The following ATF2 variants were observed in gnomAD, a reference collection of about 807,000 sequenced individuals.
ATF2 encodes the protein activating transcription factor 2.
Under a neutral mutation model 60.6 loss-of-function variants are expected in ATF2, and 24 were observed. The ratio of observed to expected loss-of-function variants is 0.40; its 90% CI spans 0.29 to 0.56. ATF2 has a LOEUF of 0.56. ATF2 is among the 20% of genes least tolerant of loss of function. ATF2 has a pLI of 0.54. For missense variants in ATF2, 433 were observed against 607.7 expected, an observed-to-expected ratio of 0.71 and a Z score of 3.02; for synonymous variants, 206 against 215.4, an observed-to-expected ratio of 0.96 and a Z score of 0.38.
intron 4 of ATF2, among the ~76,000 whole-genome samples, chr2:175,129,110 A>G (rs1697553217): frequency 6.6e-6 from 1 of 152,212 alleles, no homozygotes; most frequent in African/African-American, 2.4e-5. Flanking sequence ...CCATCAGATG[A>G]ACAGATAAAT....
At chr2:175,094,890 C>T (rs2541063) in intron 11 of ATF2, among the ~76,000 whole-genome samples, 1 of 151,980 alleles carries the variant, frequency 6.6e-6, no homozygotes, top group Non-Finnish European at 1.5e-5. Flanking sequence ...CTGCAGTGAG[C>T]CATGATCGCA....
At chr2:175,115,272 G>A (rs1208842443) in intron 7 of ATF2, among the ~76,000 whole-genome samples, 1 of 152,048 alleles carries the variant, frequency 6.6e-6, no homozygotes, top group Non-Finnish European at 1.5e-5. Flanking sequence ...AGAGGAAACA[G>A]GTCCAGTGAG....
At chr2:175,091,350 G>A (rs1029893893) in intron 12 of ATF2, among the ~76,000 whole-genome samples, 1 of 152,106 alleles carries the variant, frequency 6.6e-6, no homozygotes, top group East Asian at 1.9e-4. Context: ...AGGTCATTCA[G>A]AAGATTTTGT....
At chr2:175,136,999 C>T (rs192853018) in intron 2 of ATF2, among the ~76,000 whole-genome samples, 1 of 152,248 alleles carries the variant, frequency 6.6e-6, no homozygotes, top group East Asian at 1.9e-4. Context: ...AGATTGATGA[C>T]CCATTTTTAA....
rs556280283 is a variant in ATF2, at chr2:175,076,693, T to C, written c.1292-1858A>G. 1.0e-3 allele frequency among the ~76,000 whole-genome samples: 159 copies of C among 151,938 alleles called. 3 individuals carry two copies. Among genetic ancestry groups the C allele is most frequent in the Admixed American group, 9.8e-4 (15 of 15,238 alleles). On this transcript the variant is annotated intron_variant, in intron 13 of 13. Transcript: ENST00000264110. ...GAAAACAAAATACTGGCAATGACAG[T>C]TTAACTGGAGGGAATACTAAAAAGC...
rs571251922 is a variant in ATF2, at chr2:175,120,796, A to T, written c.199+648T>A. Among the ~76,000 whole-genome samples the T allele has an allele frequency of 3.3e-5, 5 of 151,748 alleles. No individual in the cohort carries two copies. The South Asian group carries it at 1.0e-3, about 31-fold the overall frequency. On this transcript the variant is annotated intron_variant, in intron 5 of 13. Transcript: ENST00000264110. Reference sequence around the variant, plus strand: ...TATATACATAGATGTGTGTGTGTATATATTTAAATACCAAAAAAAGGCAGC... The same window carrying T: ...TATATACATAGATGTGTGTGTGTATTTATTTAAATACCAAAAAAAGGCAGC...
intron 12 of ATF2, among the ~76,000 whole-genome samples, chr2:175,082,420 T>C (rs568491886): frequency 2.0e-5 from 3 of 152,320 alleles, no homozygotes; most frequent in East Asian, 1.9e-4. Context: ...CTGCTAATTA[T>C]AGTTCAGTAT....
At chr2:175,159,663 A>C (rs1207213498) in intron 1 of ATF2, among the ~76,000 whole-genome samples, 1 of 152,234 alleles carries the variant, frequency 6.6e-6, no homozygotes, top group Non-Finnish European at 1.5e-5. Flanking sequence ...TATTCAATTA[A>C]AATATCAGTA....
chr2:175,129,310 G>C (rs996907635), intron 4 of ATF2, among the ~76,000 whole-genome samples: 1 of 152,176 alleles, frequency 6.6e-6, no homozygotes, highest in East Asian at 1.9e-4. Context: ...AGGTAGGTGG[G>C]ATAAGAGGAA....
At chr2:175,131,818 GA>G (rs1234159737) in intron 3 of ATF2, among the ~76,000 whole-genome samples, 1 of 152,058 alleles carries the variant, frequency 6.6e-6, no homozygotes, top group Admixed American at 6.6e-5. Flanking sequence ...GGCTCCCAAA[GA>G]ACGTTTTTGT....
intron 10 of ATF2, among the ~76,000 whole-genome samples, chr2:175,103,170 T>A (rs1695418705): frequency 6.6e-6 from 1 of 152,012 alleles, no homozygotes; most frequent in African/African-American, 2.4e-5. Context: ...AGAAAAAAGA[T>A]AATGTTCTCT....
At chr2:175,113,905 A>G in intron 9 of ATF2, 89 bp downstream of exon 9, 5 of 1,107,796 alleles carry the variant, frequency 4.5e-6, no homozygotes, top group Non-Finnish European at 6.7e-6. Context: ...GTTAAATTCA[A>G]TTTCATAAGC....
At chr2:175,141,635 G>A (rs1269250691) in intron 2 of ATF2, among the ~76,000 whole-genome samples, 2 of 151,942 alleles carry the variant, frequency 1.3e-5, no homozygotes, top group South Asian at 4.2e-4. Flanking sequence ...TGGGACTACA[G>A]GAGCCCGCCA....
At chr2:175,101,304 T>C (rs985669916) in intron 10 of ATF2, among the ~76,000 whole-genome samples, 1 of 151,828 alleles carries the variant, frequency 6.6e-6, no homozygotes, top group Non-Finnish European at 1.5e-5. Flanking sequence ...AAGACCTGAG[T>C]TGGAAAAGTG....
chr2:175,117,998 C>A lies in ATF2; in HGVS notation c.439G>T (p.Asp147Tyr). 2 of 1,599,408 alleles carry A rather than the reference C, an allele frequency of 1.3e-6. No homozygotes were observed. The highest frequency in any genetic ancestry group is 1.7e-6 in the Non-Finnish European group (2 of 1,175,092). Reference sequence around the variant, plus strand: ...TTCTAAAAATTTCTAACCTTCTCATCACTGGTAGTAGACTCTGGGTGAGGT... The same window carrying A: ...TTCTAAAAATTTCTAACCTTCTCATAACTGGTAGTAGACTCTGGGTGAGGT... ...PLPHPESTTS[D>Y]EKEVPLAQTA... Residue 147 changes from aspartate (D) to tyrosine (Y), a missense_variant, in exon 7 of 14, where the codon GAT (aspartate) becomes TAT (tyrosine). By Grantham distance (160) the Asp-to-Tyr change is radical (BLOSUM62 -3). Coordinates refer to ENST00000264110, the MANE Select transcript of ATF2 (RefSeq NM_001880.4).
chr2:175,098,834 A>C (rs1695115277), intron 10 of ATF2, among the ~76,000 whole-genome samples: 1 of 150,796 alleles, frequency 6.6e-6, no homozygotes, highest in Non-Finnish European at 1.5e-5. Context: ...CTTCCTTTTC[A>C]TCTAGGCCTA....
chr2:175,095,699 A>G (rs1694888510), intron 11 of ATF2, among the ~76,000 whole-genome samples: 1 of 152,250 alleles, frequency 6.6e-6, no homozygotes, highest in South Asian at 2.1e-4. Flanking sequence ...GTGAACAAAC[A>G]GATAAAGTCC....
intron 11 of ATF2, among the ~76,000 whole-genome samples, chr2:175,095,336 C>A (rs577521617): frequency 6.6e-6 from 1 of 152,304 alleles, no homozygotes; most frequent in Non-Finnish European, 1.5e-5. Context: ...AGGTGATCCA[C>A]CCGCCTCAGG....
At chr2:175,099,762 G>C (rs1358905488) in intron 10 of ATF2, among the ~76,000 whole-genome samples, 1 of 152,234 alleles carries the variant, frequency 6.6e-6, no homozygotes, top group Non-Finnish European at 1.5e-5. Flanking sequence ...AGGATGCAGA[G>C]CTGTTAAGCT....
Sources: allele counts gnomAD v4.1 joint callset (sites outside exome capture counted in the v4.1 genomes callset), GRCh38; gene constraint gnomAD v4.1.1; transcripts MANE v1.5; gene names NCBI Gene and HGNC (gene_info 2026-07-23, HGNC 2026-07-21).